OXNAD1: variants seen among roughly 807,000 people sequenced by gnomAD.
OXNAD1 encodes the protein oxidoreductase NAD-binding domain-containing protein 1.
A neutral mutation model predicts 32.9 loss-of-function variants in OXNAD1; 34 were observed. The ratio of observed to expected loss-of-function variants is 1.03; its 90% CI spans 0.79 to 1.38. The LOEUF (loss-of-function observed/expected upper bound fraction) is 1.38. Ranked by LOEUF, OXNAD1 falls within the 40% of genes most tolerant of loss-of-function variation. The probability of loss-of-function intolerance (pLI) is 0.00; values close to 1 mark genes in which losing one functional copy is unlikely to be tolerated. For synonymous variants in OXNAD1, 134 were observed against 135.2 expected (o/e 0.99, Z 0.06); for missense variants, 407 against 379.4 (o/e 1.07, Z -0.60).
downstream of OXNAD1, among the ~76,000 whole-genome samples, chr3:16,308,244 C>T (rs563209990): frequency 6.6e-6 from 1 of 152,194 alleles, no homozygotes; most frequent in South Asian, 2.1e-4. The surrounding 1 kb of genome is among the most constrained non-coding windows in gnomAD (Gnocchi z 4.4). Flanking sequence ...TTTTTTTGCA[C>T]CTATCACTGT....
chr3:16,343,113 G>A (rs985944649), intron 9 of OXNAD1, among the ~76,000 whole-genome samples: 2 of 152,188 alleles, frequency 1.3e-5, no homozygotes, highest in Admixed American at 6.5e-5. Context: ...CCAAAGAGCT[G>A]GGATTACAGG....
At chr3:16,337,881 C>T (rs531242901), downstream of OXNAD1, among the ~76,000 whole-genome samples, 15 of 152,200 alleles carry the variant, frequency 9.9e-5, no homozygotes, top group East Asian at 1.9e-4. This position sits in a 1 kb window ranked among gnomAD's most constrained non-coding sequence, Gnocchi z 5.0. Flanking sequence ...TGCTCCAGGC[C>T]GGACACTTTG....
In OXNAD1 at chr3:16,302,092, G is replaced by C. The variant is rs1019907036; in HGVS notation, c.675+224G>C. Among the ~76,000 whole-genome samples the C allele has an allele frequency of 9.2e-5, 14 of 152,170 alleles. No homozygotes were observed. The highest frequency in any genetic ancestry group is 3.4e-4 in the African/African-American group (14 of 41,424). Reference sequence around the variant, plus strand: ...TAGGTGACAGGAAAGGGTAGGTTTTGGTGGGATGGAATCTGGAGGTTAAAT... The same window carrying C: ...TAGGTGACAGGAAAGGGTAGGTTTTCGTGGGATGGAATCTGGAGGTTAAAT... On this transcript the variant is annotated intron_variant, in intron 7 of 8. Coordinates refer to ENST00000285083, the MANE Select transcript of OXNAD1 (RefSeq NM_138381.5). The surrounding 1 kb of genome is among the most constrained non-coding windows in gnomAD (Gnocchi z 4.2).
At position 16,269,225 on chromosome 3, in the gene OXNAD1, A is replaced by T; in HGVS notation, c.-59A>T. The T allele has an allele frequency of 6.5e-7, 1 of 1,534,872 alleles. No individual in the cohort carries two copies. Among genetic ancestry groups the T allele is most frequent in the Non-Finnish European group, 8.7e-7 (1 of 1,146,630 alleles). Reference sequence around the variant, plus strand: ...AATAGCAGGACCAAAATATTCTGTCAATCAGCTGACCATATACTTAATGAC... The same window carrying T: ...AATAGCAGGACCAAAATATTCTGTCTATCAGCTGACCATATACTTAATGAC... On this transcript the variant is annotated 5_prime_UTR_variant, in exon 2 of 9. Transcript: ENST00000285083.
chr3:16,309,167 C>T (rs769536993), downstream of OXNAD1, among the ~76,000 whole-genome samples: 4 of 152,138 alleles, frequency 2.6e-5, no homozygotes, highest in Non-Finnish European at 5.9e-5. Flanking sequence ...CAAATTCTTG[C>T]TATATACCAT....
rs561699583 is a variant in OXNAD1 at position 16,322,884 on chromosome 3, A to G, written c.*31-14228A>G. 7.7e-4 allele frequency among the ~76,000 whole-genome samples: 117 copies of G among 152,272 alleles called. 2 individuals are homozygous for G. Among genetic ancestry groups the G allele is most frequent in the South Asian group, 6.6e-3 (32 of 4,820 alleles). On this transcript the variant is annotated intron_variant, in intron 9 of 9. Coordinates refer to the OXNAD1 transcript ENST00000435829. The surrounding 1 kb of genome is among the most constrained non-coding windows in gnomAD (Gnocchi z 6.2). ...GCTAGCATCACCAGCTGTCACACAG[A>G]GGCCTTTGGGTCTAGGCCTGTCATG... is the stretch of plus-strand genomic sequence containing the variant.
At chr3:16,340,332 A>G (rs1419592116), downstream of OXNAD1, among the ~76,000 whole-genome samples, 1 of 152,244 alleles carries the variant, frequency 6.6e-6, no homozygotes, top group Non-Finnish European at 1.5e-5. Flanking sequence ...TGTGGCTGCC[A>G]TCCTGTGAAG....
At chr3:16,268,673 A>G (rs892370057) in intron 1 of OXNAD1, among the ~76,000 whole-genome samples, 16 of 152,266 alleles carry the variant, frequency 1.1e-4, no homozygotes, top group African/African-American at 3.6e-4. Flanking sequence ...AGTTCAGTTG[A>G]GAAGGGGACC....
At position 16,301,606 on chromosome 3, in the gene OXNAD1, T is replaced by C. The variant is rs1320562386; in HGVS notation, c.433-20T>C. ...ACCTTTGCTACAAAAGACTAAAAGGTCTTTTCTTTCCTGCCTTAGTGTACA... is the reference window on the plus strand; with the variant it reads ...ACCTTTGCTACAAAAGACTAAAAGGCCTTTTCTTTCCTGCCTTAGTGTACA... On this transcript the variant is annotated intron_variant, in intron 6 of 8. Coordinates refer to ENST00000285083, the MANE Select transcript of OXNAD1 (RefSeq NM_138381.5). This position sits in a 1 kb window ranked among gnomAD's most constrained non-coding sequence, Gnocchi z 4.1. The C allele has an allele frequency of 1.9e-6, 3 of 1,612,820 alleles. No individual in the cohort carries two copies. Among genetic ancestry groups the C allele is most frequent in the Non-Finnish European group, 2.5e-6 (3 of 1,179,356 alleles).
chr3:16,345,301 T>TGTGTGTGTGTGTGTGTGTG lies in OXNAD1; in HGVS notation c.*31-3875_*31-3874insGTGTGTGTGTGTGTGTGTG, dbSNP rs1559842639. 7.5e-5 allele frequency: 11 copies of TGTGTGTGTGTGTGTGTGTG among 146,424 alleles called. No individual in the cohort carries two copies. Among genetic ancestry groups the TGTGTGTGTGTGTGTGTGTG allele is most frequent in the African/African-American group, 2.7e-4 (11 of 40,318 alleles). The allele number at this position is 146,424 out of a possible 1,614,324, so 9.1% of individuals were successfully genotyped here. A position where few individuals can be genotyped will look rare whatever the true frequency, so the allele number is the denominator to read the frequency against. Reference sequence around the variant, plus strand: ...GTGTGTGTGTGTGTGTGTGTGTGTGTTTAAAGCTGTTATAGAATTATCTCC... The same window carrying TGTGTGTGTGTGTGTGTGTG: ...GTGTGTGTGTGTGTGTGTGTGTGTGTGTGTGTGTGTGTGTGTGTGTTAAAGCTGTTATAGAATTATCTCC... On this transcript the variant is annotated intron_variant, in intron 9 of 9. Coordinates refer to the OXNAD1 transcript ENST00000606098. The surrounding 1 kb of genome is among the most constrained non-coding windows in gnomAD (Gnocchi z 5.2).
At chr3:16,310,024 A>G (rs967628063), downstream of OXNAD1, among the ~76,000 whole-genome samples, 1 of 152,334 alleles carries the variant, frequency 6.6e-6, no homozygotes, top group East Asian at 1.9e-4. Flanking sequence ...AGCAAGGGAA[A>G]AGTTTGGTTT....
At position 16,288,348 on chromosome 3, in the gene OXNAD1, T is replaced by A. The variant is rs965650205; in HGVS notation, c.290+1900T>A. Among the ~76,000 whole-genome samples the A allele has an allele frequency of 2.6e-5, 4 of 152,202 alleles. No individual in the cohort carries two copies. Among genetic ancestry groups the A allele is most frequent in the African/African-American group, 9.6e-5 (4 of 41,454 alleles). ...TGCTAGAAATCAAGGAGAGGGTTGC[T>A]GTTGGGCTTATCTTTGGGGTAAGAG... On this transcript the variant is annotated intron_variant, in intron 5 of 8. Transcript: ENST00000285083. The surrounding 1 kb of genome is among the most constrained non-coding windows in gnomAD (Gnocchi z 5.1).
rs1389074708 is a variant in OXNAD1, at chr3:16,342,603, G to A, written c.*31-6573G>A. 6.6e-6 allele frequency among the ~76,000 whole-genome samples: 1 copy of A among 152,120 alleles called. No individual in the cohort carries two copies. Among genetic ancestry groups the A allele is most frequent in the Non-Finnish European group, 1.5e-5 (1 of 68,022 alleles). On this transcript the variant is annotated intron_variant, in intron 9 of 9. Coordinates refer to the OXNAD1 transcript ENST00000606098. This position sits in a 1 kb window ranked among gnomAD's most constrained non-coding sequence, Gnocchi z 4.0. ...TTTAACATTTTGGGAAAGTGTCCAT[G>A]GATCACTTTTATAAAAATAAAAAAA... is the stretch of plus-strand genomic sequence containing the variant.
rs185634137 is a variant in OXNAD1 at position 16,327,629 on chromosome 3, C to T, written c.*31-9483C>T. Among the ~76,000 whole-genome samples, 4,585 of 152,030 alleles carry T rather than the reference C, an allele frequency of 0.03. 108 individuals are homozygous for T. The highest frequency in any genetic ancestry group is 0.082 in the Middle Eastern group (24 of 294). ...AAAAAAAATTAGCCAGGCCTGGTGGCGGGCGCCTGTAGTCCCAGCTACTCG... is the reference window on the plus strand; with the variant it reads ...AAAAAAAATTAGCCAGGCCTGGTGGTGGGCGCCTGTAGTCCCAGCTACTCG... On this transcript the variant is annotated intron_variant, in intron 9 of 9. Coordinates refer to the OXNAD1 transcript ENST00000435829. The surrounding 1 kb of genome is among the most constrained non-coding windows in gnomAD (Gnocchi z 4.2).
chr3:16,299,658 T>C lies in OXNAD1; in HGVS notation c.433-1968T>C, dbSNP rs1454319338. Among the ~76,000 whole-genome samples the C allele has an allele frequency of 6.6e-6, 1 of 152,212 alleles. No homozygotes were observed. The highest frequency in any genetic ancestry group is 1.5e-5 in the Non-Finnish European group (1 of 68,040). On this transcript the variant is annotated intron_variant, in intron 6 of 8. Transcript: ENST00000285083. This position sits in a 1 kb window ranked among gnomAD's most constrained non-coding sequence, Gnocchi z 4.4. Reference sequence around the variant, plus strand: ...ATTCATGTCCAGAAGTACCTACTGCTCACCTGACATGCAAGGTGCCAAGGT... The same window carrying C: ...ATTCATGTCCAGAAGTACCTACTGCCCACCTGACATGCAAGGTGCCAAGGT...
At position 16,317,782 on chromosome 3, in the gene OXNAD1, TTGC is replaced by T; in HGVS notation, c.*30+14193_*30+14195del. 6.6e-6 allele frequency among the ~76,000 whole-genome samples: 1 copy of T among 152,082 alleles called. No homozygotes were observed. Among genetic ancestry groups the T allele is most frequent in the East Asian group, 1.9e-4 (1 of 5,196 alleles). ...GCTCCCCAGCTAGGCCGATAGCCCT[TTGC>T]TGACCACCACCTCACAGAAGGGTCA... On this transcript the variant is annotated intron_variant, in intron 9 of 9. Transcript: ENST00000435829. The surrounding 1 kb of genome is among the most constrained non-coding windows in gnomAD (Gnocchi z 4.3).
At chr3:16,341,869 G>C (rs970579812), downstream of OXNAD1, among the ~76,000 whole-genome samples, 1 of 152,086 alleles carries the variant, frequency 6.6e-6, no homozygotes, top group Non-Finnish European at 1.5e-5. This position sits in a 1 kb window ranked among gnomAD's most constrained non-coding sequence, Gnocchi z 4.7. Flanking sequence ...TACCATTTTT[G>C]TAAAAAATAT....
At position 16,271,211 on chromosome 3, in the gene OXNAD1, T is replaced by G. The variant is rs973332186; in HGVS notation, c.119+140T>G. 1.5e-4 allele frequency: 143 copies of G among 923,480 alleles called. 1 individual carries two copies. The East Asian group carries it at 3.5e-3, about 23-fold the overall frequency. 57.2% of individuals were successfully genotyped at this position (923,480 alleles called of 1,614,324 possible). ...TGCATGCTGTCAGGTTGTTAACCGT[T>G]TTTTTTGTCTGAGATGGAGTCTTGC... is the stretch of plus-strand genomic sequence containing the variant. On this transcript the variant is annotated intron_variant, in intron 3 of 8. Transcript: ENST00000285083. The surrounding 1 kb of genome is among the most constrained non-coding windows in gnomAD (Gnocchi z 4.6).
chr3:16,319,779 A>T (rs1187854683), intron 9 of OXNAD1, among the ~76,000 whole-genome samples: 1 of 152,240 alleles, frequency 6.6e-6, no homozygotes. Flanking sequence ...CAAAAAGGAG[A>T]CGTCTCAGAA....
Sources: allele counts gnomAD v4.1 joint callset (sites outside exome capture counted in the v4.1 genomes callset), GRCh38; gene constraint gnomAD v4.1.1; non-coding constraint Gnocchi (gnomAD v3.1); transcripts MANE v1.5; gene names NCBI Gene and HGNC (gene_info 2026-07-23, HGNC 2026-07-21).